The following FLI1 variants were observed in gnomAD, a reference collection of about 807,000 sequenced individuals.
FLI1 encodes the protein Friend leukemia integration 1 transcription factor.
A neutral mutation model predicts 53.1 loss-of-function variants in FLI1; 13 were observed. The ratio of observed to expected loss-of-function variants is 0.24; its 90% confidence interval spans 0.16 to 0.39. FLI1 has a LOEUF of 0.39. Ranked by LOEUF, FLI1 falls within the 10% of genes least tolerant of loss-of-function variation. FLI1 has a pLI of 1.00. For synonymous variants in FLI1, 244 were observed against 236.7 expected, an observed-to-expected ratio of 1.03 and a Z score of -0.28; for missense variants, 424 against 600.5, an observed-to-expected ratio of 0.71 and a Z score of 3.07.
At chr11:128,786,944 C>T (rs977889544) in intron 5 of FLI1, among the ~76,000 whole-genome samples, 10 of 152,202 alleles carry the variant, frequency 6.6e-5, no homozygotes, top group African/African-American at 2.4e-4. Flanking sequence ...TCAGGACTGC[C>T]ATTGAACACG....
intron 1 of FLI1, among the ~76,000 whole-genome samples, chr11:128,738,251 G>C (rs1286217462): frequency 6.6e-6 from 1 of 152,038 alleles, no homozygotes; most frequent in East Asian, 1.9e-4. Flanking sequence ...CAGAACCCTG[G>C]ACCTCTGGCT....
rs759656652 is a variant in FLI1, at chr11:128,772,894, A to G, written c.498A>G (p.Glu166=). The change falls in exon 4 of 9, where the codon GAA becomes GAG. Residue 166 remains glutamate, a synonymous_variant. Transcript: ENST00000527786. ...TSFFQNMDGK[E]LCKMNKEDFL... ...TTTTCCAGAACATGGATGGCAAGGA[A>G]CTGTGTAAAATGAACAAGGAGGACT... is the stretch of plus-strand genomic sequence containing the variant. 2.4e-5 allele frequency: 39 copies of G among 1,613,904 alleles called. No homozygotes were observed. Among genetic ancestry groups the G allele is most frequent in the Admixed American group, 5.0e-5 (3 of 60,012 alleles).
intron 5 of FLI1, among the ~76,000 whole-genome samples, chr11:128,790,384 C>T (rs898746554): frequency 6.6e-6 from 1 of 151,730 alleles, no homozygotes; most frequent in Non-Finnish European, 1.5e-5. Flanking sequence ...AACAAAGACT[C>T]GTTGTCTCTA....
At chr11:128,751,656 A>AGCTG (rs1272093308) in intron 1 of FLI1, among the ~76,000 whole-genome samples, 1 of 151,712 alleles carries the variant, frequency 6.6e-6, no homozygotes, top group African/African-American at 2.4e-5. Flanking sequence ...CCTCCCAAGT[A>AGCTG]GCTGGGACTA....
chr11:128,772,636 T>C, intron 3 of FLI1, 146 bp from the exon 4 acceptor site: 1 of 692,890 alleles, frequency 1.4e-6, no homozygotes, highest in Non-Finnish European at 2.5e-6. Context: ...CTGATGAGTG[T>C]TCTAGGGGAA....
At chr11:128,769,208 C>T (rs1449799711) in intron 3 of FLI1, among the ~76,000 whole-genome samples, 1 of 152,186 alleles carries the variant, frequency 6.6e-6, no homozygotes, top group African/African-American at 2.4e-5. Flanking sequence ...CCAGCTAGCA[C>T]CAGCAAGCTC....
chr11:128,783,227 G>A (rs1941977813), intron 5 of FLI1, among the ~76,000 whole-genome samples: 1 of 152,202 alleles, frequency 6.6e-6, no homozygotes. Flanking sequence ...CTAAGGGAAG[G>A]ACCATTTGGC....
chr11:128,761,128 C>T (rs1219682183), intron 2 of FLI1, among the ~76,000 whole-genome samples: 1 of 152,234 alleles, frequency 6.6e-6, no homozygotes, highest in African/African-American at 2.4e-5. Flanking sequence ...CCCACTTCTT[C>T]CCTCCGCGCC....
intron 2 of FLI1, among the ~76,000 whole-genome samples, chr11:128,758,830 C>T (rs571450887): frequency 1.1e-4 from 16 of 152,254 alleles, no homozygotes; most frequent in Middle Eastern, 3.4e-3. Flanking sequence ...ACCTGGAAGG[C>T]GTGCATGAAG....
At chr11:128,752,183 C>A (rs964928904) in intron 1 of FLI1, among the ~76,000 whole-genome samples, 8 of 152,020 alleles carry the variant, frequency 5.3e-5, no homozygotes, top group African/African-American at 1.9e-4. Context: ...ATTATGTTGG[C>A]CAGGCTGTTC....
intron 2 of FLI1, among the ~76,000 whole-genome samples, chr11:128,763,373 T>C (rs1591791510): frequency 6.6e-6 from 1 of 152,228 alleles, no homozygotes; most frequent in African/African-American, 2.4e-5. Context: ...GCATGGCCCA[T>C]AGGTTCTGTG....
At position 128,810,384 on chromosome 11, in the gene FLI1, G is replaced by A; in HGVS notation, c.830-75G>A. On this transcript the variant is annotated intron_variant, in intron 8 of 8. Coordinates refer to ENST00000527786, the MANE Select transcript of FLI1 (RefSeq NM_002017.5). The surrounding 1 kb of genome is among the most constrained non-coding windows in gnomAD (Gnocchi z 6.6). ...TCTTTAAAAGGATGAGAAGCTCCCT[G>A]CATTTAGGGAACTGGGTTCTGCCTT... 7.2e-7 allele frequency: 1 copy of A among 1,391,006 alleles called. No individual in the cohort carries two copies. Among genetic ancestry groups the A allele is most frequent in the Non-Finnish European group, 9.7e-7 (1 of 1,025,914 alleles). The allele number at this position is 1,391,006 out of a possible 1,614,324, so 86.2% of individuals were successfully genotyped here.
At chr11:128,710,950 T>A (rs545448590) in intron 1 of FLI1, among the ~76,000 whole-genome samples, 1 of 152,350 alleles carries the variant, frequency 6.6e-6, no homozygotes, top group South Asian at 2.1e-4. Context: ...TCAACCTTTT[T>A]AACTCTATCT....
chr11:128,804,146 C>T (rs1942711625), intron 5 of FLI1: 1 of 152,236 alleles, frequency 6.6e-6, no homozygotes, highest in Non-Finnish European at 1.5e-5. Context: ...TCTTTTGGAT[C>T]TTCTTAGCCA....
chr11:128,788,057 G>A (rs959162333), intron 5 of FLI1, among the ~76,000 whole-genome samples: 4 of 151,528 alleles, frequency 2.6e-5, no homozygotes, highest in East Asian at 2.0e-4. Context: ...TGATCTGCCC[G>A]CCTCGGCCTC....
At chr11:128,724,518 T>G (rs754692500) in intron 1 of FLI1, among the ~76,000 whole-genome samples, 2 of 152,164 alleles carry the variant, frequency 1.3e-5, no homozygotes, top group African/African-American at 4.8e-5. Context: ...TTTGTTCAAT[T>G]GAGTTAAATA....
At chr11:128,747,131 A>G (rs1940429407) in intron 1 of FLI1, among the ~76,000 whole-genome samples, 1 of 152,206 alleles carries the variant, frequency 6.6e-6, no homozygotes, top group Non-Finnish European at 1.5e-5. Flanking sequence ...CATCATGACA[A>G]TCTGTAAGGC....
intron 5 of FLI1, among the ~76,000 whole-genome samples, chr11:128,802,531 C>G (rs1942663007): frequency 6.6e-6 from 1 of 152,258 alleles, no homozygotes; most frequent in Non-Finnish European, 1.5e-5. Context: ...GACTCTATTA[C>G]TTCACAGTGA....
chr11:128,767,878 C>T (rs1432965884), intron 2 of FLI1, among the ~76,000 whole-genome samples: 2 of 152,152 alleles, frequency 1.3e-5, no homozygotes, highest in African/African-American at 4.8e-5. Context: ...GGTCTGAGGG[C>T]ACTGAGGCGC....
Sources: gnomAD v4.1 joint callset for allele counts (sites outside exome capture counted in the v4.1 genomes callset) on GRCh38, gnomAD v4.1.1 for gene constraint, Gnocchi (gnomAD v3.1) non-coding constraint, MANE v1.5 for transcripts, NCBI Gene and HGNC (gene_info 2026-07-23, HGNC 2026-07-21) for gene names.